The following ZMYND19 variants were observed in gnomAD, a reference collection of about 807,000 sequenced individuals.
ZMYND19 encodes the protein zinc finger MYND domain-containing protein 19.
Under a neutral mutation model 32.0 loss-of-function variants are expected in ZMYND19, and 17 were observed. The ratio of observed to expected loss-of-function variants is 0.53; its 90% CI spans 0.36 to 0.80. The LOEUF (loss-of-function observed/expected upper bound fraction) is 0.80, where lower values mean the gene tolerates loss of function less well. Ranked by LOEUF, ZMYND19 falls within the 30% of genes least tolerant of loss-of-function variation. The pLI is 0.00. For synonymous variants in ZMYND19, 124 were observed against 113.6 expected, an observed-to-expected ratio of 1.09 and a Z score of -0.58; for missense variants, 250 against 293.6, an observed-to-expected ratio of 0.85 and a Z score of 1.09.
intron 4 of ZMYND19, among the ~76,000 whole-genome samples, chr9:137,586,493 G>A (rs1842206265): frequency 6.6e-6 from 1 of 150,592 alleles, no homozygotes; most frequent in Middle Eastern, 3.5e-3. Context: ...GAGAAGGAAG[G>A]AATCCCGAGG....
Position 137,586,898 on chromosome 9 carries a change from A to G in ZMYND19, c.359+69T>C, listed in dbSNP as rs117450291. 1,789 of 1,596,062 alleles carry G rather than the reference A, an allele frequency of 1.1e-3. 3 individuals are homozygous for G. The highest frequency in any genetic ancestry group is 1.4e-3 in the Non-Finnish European group (1,682 of 1,173,476). On this transcript the variant is annotated intron_variant, in intron 4 of 5. Transcript: ENST00000298585. ...AGGAACAGGAGACCCTCTTGGAAAC[A>G]AGAGCTTTGGCGGTGGCCCTCCTCA...
chr9:137,586,253 G>T (rs1190262532), intron 4 of ZMYND19, among the ~76,000 whole-genome samples: 1 of 152,136 alleles, frequency 6.6e-6, no homozygotes, highest in African/African-American at 2.4e-5. Context: ...GCACAGAAAA[G>T]AATCCTGAGG....
In ZMYND19 at chr9:137,582,487, C is replaced by A; in HGVS notation, c.*56G>T. 6.3e-7 allele frequency: 1 copy of A among 1,576,242 alleles called. No homozygotes were observed. ...TCCAGGTTCAACCACCAGTCTGTCT[C>A]TGCTGTGCCCAGGGTAGAGCCCGGG... is the stretch of plus-strand genomic sequence containing the variant. On this transcript the variant is annotated 3_prime_UTR_variant, in exon 6 of 6. Coordinates refer to ENST00000298585, the MANE Select transcript of ZMYND19 (RefSeq NM_138462.3).
Position 137,587,864 on chromosome 9 carries a change from A to T in ZMYND19, c.112-41T>A, listed in dbSNP as rs773451127. ...GGAAAGAGCTGTTAAAAAACCTCCA[A>T]TTCTCAGCAACACTTCAATTCCCTC... is the stretch of plus-strand genomic sequence containing the variant. On this transcript the variant is annotated intron_variant, in intron 2 of 5. Transcript: ENST00000298585. 1.2e-5 allele frequency: 19 copies of T among 1,578,416 alleles called. No individual in the cohort carries two copies. In the South Asian group the frequency reaches 2.0e-4, roughly 17 times the overall value.
chr9:137,584,516 G>T (rs1187378413), intron 4 of ZMYND19, among the ~76,000 whole-genome samples: 1 of 152,174 alleles, frequency 6.6e-6, no homozygotes, highest in Non-Finnish European at 1.5e-5. Context: ...GTTGAGAACC[G>T]GCTGAAATGA....
rs1390043940 is a variant in ZMYND19, at chr9:137,589,954, G to A, written c.51+259C>T. The A allele has an allele frequency of 6.1e-6, 6 of 985,202 alleles. No individual in the cohort carries two copies. The African/African-American group carries it at 1.0e-4, about 17-fold the overall frequency. The allele number at this position is 985,202 out of a possible 1,614,324, so 61.0% of individuals were successfully genotyped here. Reference sequence around the variant, plus strand: ...CGCACCCGGCTCGGGACAGGGCCGTGGCCTCCACCTCCGGCAGGGCAGGGC... The same window carrying A: ...CGCACCCGGCTCGGGACAGGGCCGTAGCCTCCACCTCCGGCAGGGCAGGGC... On this transcript the variant is annotated intron_variant, in intron 1 of 5. Coordinates refer to ENST00000298585, the MANE Select transcript of ZMYND19 (RefSeq NM_138462.3).
Position 137,585,223 on chromosome 9 carries a change from G to C in ZMYND19, c.359+1744C>G, listed in dbSNP as rs576593072. ...GGATCACCTGAGGTCAGGAGTTCAA[G>C]ACCAGCCTGGCCAACATGGCAAAAT... On this transcript the variant is annotated intron_variant, in intron 4 of 5. Coordinates refer to ENST00000298585, the MANE Select transcript of ZMYND19 (RefSeq NM_138462.3). 1.6e-4 allele frequency among the ~76,000 whole-genome samples: 24 copies of C among 152,130 alleles called. No homozygotes were observed. The South Asian group carries it at 1.9e-3, about 12-fold the overall frequency.
Position 137,583,065 on chromosome 9 carries a change from T to C in ZMYND19, c.458A>G (p.Asn153Ser). 1 of 1,614,242 alleles carries C rather than the reference T, an allele frequency of 6.2e-7. No individual in the cohort carries two copies. Residue 153 changes from asparagine (N) to serine (S), a missense_variant, in exon 5 of 6, where the codon AAC (asparagine) becomes AGC (serine). By Grantham distance (46) the Asn-to-Ser change is conservative (BLOSUM62 1). This residue lies in a region of ZMYND19 where 212 missense variants were observed against 218.8 expected (regional missense o/e 0.97). Transcript: ENST00000298585. The stretch of plus-strand genomic sequence containing the variant: ...CTCCTCCTCTTCCACTACATCCCCG[T>C]TGGCATTATAATACCGGGTCACATT... Reference protein sequence around the residue: ...VLNVTRYYNANGDVVEEEENS... With the variant: ...VLNVTRYYNASGDVVEEEENS...
rs535576184 is a variant in ZMYND19, at chr9:137,582,500, G to A, written c.*43C>T. 1.3e-5 allele frequency: 21 copies of A among 1,598,066 alleles called. No individual in the cohort carries two copies. The South Asian group carries it at 1.3e-4, about 10-fold the overall frequency. On this transcript the variant is annotated 3_prime_UTR_variant, in exon 6 of 6. Coordinates refer to ENST00000298585, the MANE Select transcript of ZMYND19 (RefSeq NM_138462.3). ...ACCAGTCTGTCTCTGCTGTGCCCAG[G>A]GTAGAGCCCGGGGGCTGTGAGTATG... is the stretch of plus-strand genomic sequence containing the variant.
chr9:137,585,313 C>T (rs946404251), intron 4 of ZMYND19, among the ~76,000 whole-genome samples: 1 of 151,234 alleles, frequency 6.6e-6, no homozygotes, highest in Non-Finnish European at 1.5e-5. Context: ...ACCCCAGCTA[C>T]TAGGAAGACT....
chr9:137,582,671 T>C lies in ZMYND19; in HGVS notation c.556A>G (p.Ile186Val), dbSNP rs767197982. ...VIEKQLREFN[I>V]CGRCQVARYC... ...CGGGCCACCTGGCAGCGCCCACAGA[T>C]GTTGAACTCCCGGAGCTGAAATACA... Residue 186 changes from isoleucine to valine, a missense_variant, in exon 6 of 6, where the codon ATC (isoleucine) becomes GTC (valine). Transcript: ENST00000298585. The C allele has an allele frequency of 6.2e-7, 1 of 1,612,994 alleles. No homozygotes were observed.
chr9:137,582,814 C>G, intron 5 of ZMYND19, 128 bp from the exon 6 acceptor site: 1 of 1,507,026 alleles, frequency 6.6e-7, no homozygotes, highest in Non-Finnish European at 8.9e-7. Context: ...GGCCTGGGCC[C>G]TGGTCAGGCC....
chr9:137,582,646 C>T lies in ZMYND19; in HGVS notation c.581G>A (p.Arg194Gln). The T allele has an allele frequency of 1.2e-6, 2 of 1,613,398 alleles. No individual in the cohort carries two copies. Among genetic ancestry groups the T allele is most frequent in the Non-Finnish European group, 1.7e-6 (2 of 1,180,022 alleles). Residue 194 changes from arginine (R) to glutamine (Q), a missense_variant, in exon 6 of 6, where the codon CGG becomes CAG. Physicochemically the swap from Arg to Gln is conservative, Grantham distance 43. Coordinates refer to ENST00000298585, the MANE Select transcript of ZMYND19 (RefSeq NM_138462.3). ...FNICGRCQVA[R>Q]YCGSQCQQKD... ...CTGCTGGCACTGGGAGCCGCAGTAC[C>T]GGGCCACCTGGCAGCGCCCACAGAT...
At chr9:137,589,955 G>A (rs1403703885) in intron 1 of ZMYND19, 3 of 985,214 alleles carry the variant, frequency 3.0e-6, no homozygotes, top group African/African-American at 3.5e-5. Flanking sequence ...CAGGGCCGTG[G>A]CCTCCACCTC....
chr9:137,589,590 G>C (rs1453039701), intron 1 of ZMYND19: 1 of 985,334 alleles, frequency 1.0e-6, no homozygotes, highest in Non-Finnish European at 1.2e-6. Context: ...GTGGAGCGTG[G>C]GGGCCAAGTA....
At chr9:137,589,538 G>A (rs1842245610) in intron 1 of ZMYND19, 3 of 985,364 alleles carry the variant, frequency 3.0e-6, no homozygotes, top group African/African-American at 1.7e-5. Context: ...AAACCGCCAA[G>A]CCTCAATGCC....
At position 137,587,013 on chromosome 9, in the gene ZMYND19, G is replaced by A; in HGVS notation, c.313C>T (p.Pro105Ser). 3.1e-6 allele frequency: 5 copies of A among 1,612,450 alleles called. No homozygotes were observed. The highest frequency in any genetic ancestry group is 4.2e-6 in the Non-Finnish European group (5 of 1,180,018). ...TCAGCCTTGGGCCGCCAGCCCCACGGCACCAGTTGCAGGTTGTCCAGGCGA... is the reference window on the plus strand; with the variant it reads ...TCAGCCTTGGGCCGCCAGCCCCACGACACCAGTTGCAGGTTGTCCAGGCGA... ...DNRLDNLQLV[P>S]WGWRPKAEET... The change falls in exon 4 of 6, where the codon CCG (proline) becomes TCG (serine). Residue 105 changes from proline (P) to serine (S), a missense_variant. Physicochemically the swap from Pro to Ser is moderately conservative, Grantham distance 74. This residue lies in a region of ZMYND19 where 212 missense variants were observed against 218.8 expected (regional missense o/e 0.97). Transcript: ENST00000298585.
chr9:137,584,530 G>A (rs1842182729), intron 4 of ZMYND19, among the ~76,000 whole-genome samples: 1 of 152,184 alleles, frequency 6.6e-6, no homozygotes, highest in South Asian at 2.1e-4. Flanking sequence ...GAAATGACCC[G>A]CACCATGGCA....
chr9:137,590,249 T>C lies in ZMYND19; in HGVS notation c.15A>G (p.Lys5=), dbSNP rs1267517373. ...CCCGGCCGAGCCGCACGATACCCAA[T>C]TTGAAGTCGGTCATGGCCGGGCCTG... is the stretch of plus-strand genomic sequence containing the variant. MTDF[K]LGIVRLGRVA... The change falls in exon 1 of 6, where the codon AAA becomes AAG. Residue 5 remains lysine (K), a synonymous_variant. Coordinates refer to ENST00000298585, the MANE Select transcript of ZMYND19 (RefSeq NM_138462.3). The surrounding 1 kb of genome is among the most constrained non-coding windows in gnomAD (Gnocchi z 4.2). 2 of 1,153,706 alleles carry C rather than the reference T, an allele frequency of 1.7e-6. No homozygotes were observed. Among genetic ancestry groups the C allele is most frequent in the African/African-American group, 1.7e-5 (1 of 59,664 alleles). The allele number at this position is 1,153,706 out of a possible 1,614,324, so 71.5% of individuals were successfully genotyped here. A position where few individuals can be genotyped will look rare whatever the true frequency, so the allele number is the denominator to read the frequency against.
Sources: allele counts gnomAD v4.1 joint callset (sites outside exome capture counted in the v4.1 genomes callset), GRCh38; gene constraint gnomAD v4.1.1; regional missense constraint gnomAD v4.1.1; non-coding constraint Gnocchi (gnomAD v3.1); transcripts MANE v1.5; gene names NCBI Gene and HGNC (gene_info 2026-07-23, HGNC 2026-07-21).